The following RIPK1 variants were observed in gnomAD, a reference collection of about 807,000 sequenced individuals.
RIPK1 encodes receptor interacting serine/threonine kinase 1.
RIPK1 carries 27 observed loss-of-function variants against 62.4 expected under a neutral mutation model. The observed-to-expected ratio is 0.43, with a 90% CI of 0.32 to 0.60. The LOEUF (loss-of-function observed/expected upper bound fraction) is 0.60, where lower values mean the gene tolerates loss of function less well. RIPK1 is among the 20% of genes least tolerant of loss of function. RIPK1 has a pLI of 0.07. For synonymous variants in RIPK1, 287 were observed against 303.2 expected (o/e 0.95, Z 0.55); for missense variants, 735 against 831.0 (o/e 0.88, Z 1.42).
Position 3,113,634 on chromosome 6 carries a change from C to T in RIPK1, c.*295C>T. The T allele has an allele frequency of 3.0e-6, 1 of 332,064 alleles. No individual in the cohort carries two copies. The highest frequency in any genetic ancestry group is 5.6e-6 in the Non-Finnish European group (1 of 178,476). The allele number at this position is 332,064 out of a possible 1,614,324, so 20.6% of individuals were successfully genotyped here. On this transcript the variant is annotated 3_prime_UTR_variant, in exon 11 of 11. Transcript: ENST00000259808. This position sits in a 1 kb window ranked among gnomAD's most constrained non-coding sequence, Gnocchi z 5.0. ...GCCACTGCGCCCAGCCAACAATCCG[C>T]TCTGAGGAAAGCGTAAGCAGGAAGA...
At chr6:3,089,973 G>T (rs1313769068) in intron 7 of RIPK1, among the ~76,000 whole-genome samples, 2 of 152,328 alleles carry the variant, frequency 1.3e-5, no homozygotes, top group South Asian at 4.1e-4. Context: ...AAAGACCACA[G>T]AATTATTCTG....
At chr6:3,079,337 C>T (rs945137076) in intron 3 of RIPK1, among the ~76,000 whole-genome samples, 1 of 152,000 alleles carries the variant, frequency 6.6e-6, no homozygotes, top group South Asian at 2.1e-4. Context: ...CTTGGCCTCC[C>T]GAAGTTCTGG....
rs1292469757 is a variant in RIPK1, at chr6:3,105,643, C to T, written c.1168C>T (p.Arg390Cys). ...DEANYHLYGS[R>C]MDRQTKQQPR... is the part of the protein sequence containing the mutation. The stretch of plus-strand genomic sequence containing the variant: ...AGCCAACTACCATCTTTATGGCAGC[C>T]GCATGGACAGGCAGACGAAACAGCA... The change falls in exon 9 of 11, where the codon CGC becomes TGC. Residue 390 changes from arginine (R) to cysteine (C), a missense_variant. Arg to Cys is a radical substitution (Grantham distance 180). Around this residue, in one of 2 missense-constraint regions of RIPK1, gnomAD observed 671 missense variants for 726.2 expected, o/e 0.92. Transcript: ENST00000259808. The surrounding 1 kb of genome is among the most constrained non-coding windows in gnomAD (Gnocchi z 4.5). 8 of 1,613,884 alleles carry T rather than the reference C, an allele frequency of 5.0e-6. No homozygotes were observed. The highest frequency in any genetic ancestry group is 2.2e-5 in the East Asian group (1 of 44,892).
chr6:3,095,345 A>C (rs1485213487), intron 7 of RIPK1, among the ~76,000 whole-genome samples: 1 of 152,218 alleles, frequency 6.6e-6, no homozygotes, highest in Non-Finnish European at 1.5e-5. Flanking sequence ...CCCCACAGAG[A>C]GCTTCATCAA....
rs1758759182 is a variant in RIPK1, at chr6:3,072,303, AATC to A, written c.-61+3644_-61+3646del. Among the ~76,000 whole-genome samples the A allele has an allele frequency of 6.6e-6, 1 of 152,202 alleles. No homozygotes were observed. Among genetic ancestry groups the A allele is most frequent in the Non-Finnish European group, 1.5e-5 (1 of 68,040 alleles). On this transcript the variant is annotated intron_variant, in intron 1 of 10. Transcript: ENST00000259808. The surrounding 1 kb of genome is among the most constrained non-coding windows in gnomAD (Gnocchi z 5.6). ...GTAAAAGTGTAAAGAAGAAAGTAAAAATCAACCTATCATCAAGATACAATCCTT... is the reference window on the plus strand; with the variant it reads ...GTAAAAGTGTAAAGAAGAAAGTAAAAAACCTATCATCAAGATACAATCCTT...
intron 9 of RIPK1, among the ~76,000 whole-genome samples, chr6:3,106,644 A>C (rs916140451): frequency 1.2e-4 from 19 of 152,242 alleles, no homozygotes. Flanking sequence ...TGATACCCAC[A>C]GGTGTCCTGG....
rs774974763 is a variant in RIPK1, at chr6:3,089,596, T to A, written c.854T>A (p.Phe285Tyr). ...RPTFPGIEEK[F>Y]RPFYLSQLEE... Reference sequence around the variant, plus strand: ...ACTTTTACAGGCATTGAAGAAAAATTTAGGCCTTTTTATTTAAGTCAATTA... The same window carrying A: ...ACTTTTACAGGCATTGAAGAAAAATATAGGCCTTTTTATTTAAGTCAATTA... Residue 285 changes from phenylalanine (F) to tyrosine (Y), a missense_variant, in exon 7 of 11, where the codon TTT becomes TAT. Physicochemically the swap from Phe to Tyr is conservative, Grantham distance 22. Transcript: ENST00000259808. The A allele has an allele frequency of 1.3e-6, 2 of 1,542,750 alleles. No individual in the cohort carries two copies. Among genetic ancestry groups the A allele is most frequent in the Non-Finnish European group, 1.8e-6 (2 of 1,119,626 alleles).
chr6:3,087,782 G>T (rs548154331), intron 6 of RIPK1, among the ~76,000 whole-genome samples: 6 of 61,912 alleles, frequency 9.7e-5, no homozygotes, highest in African/African-American at 2.2e-4. Flanking sequence ...CTTGTGATCA[G>T]CCCGCCTCGG....
At chr6:3,108,388 C>T (rs1431064348) in intron 9 of RIPK1, among the ~76,000 whole-genome samples, 2 of 152,160 alleles carry the variant, frequency 1.3e-5, no homozygotes, top group African/African-American at 2.4e-5. Context: ...ATTCGTTTCT[C>T]CACTTCGTAA....
intron 9 of RIPK1, among the ~76,000 whole-genome samples, chr6:3,109,159 C>G (rs1286143622): frequency 6.6e-6 from 1 of 152,158 alleles, no homozygotes. Context: ...GGTCGCTGCC[C>G]TTGGGACTCA....
chr6:3,068,531 G>T lies in RIPK1; in HGVS notation c.-191G>T. ...CCAGCCGGGCGCGCTCGACGCGGACGGCGGGCCAGCTGCCGGAGCGCGGCG... is the reference window on the plus strand; with the variant it reads ...CCAGCCGGGCGCGCTCGACGCGGACTGCGGGCCAGCTGCCGGAGCGCGGCG... On this transcript the variant is annotated 5_prime_UTR_variant, in exon 1 of 11. Transcript: ENST00000259808. The T allele has an allele frequency of 2.0e-6, 2 of 985,104 alleles. No individual in the cohort carries two copies. Among genetic ancestry groups the T allele is most frequent in the Non-Finnish European group, 2.4e-6 (2 of 829,706 alleles). 61.0% of individuals were successfully genotyped at this position (985,104 alleles called of 1,614,324 possible).
chr6:3,065,927 A>G, upstream of RIPK1, among the ~76,000 whole-genome samples: 1 of 152,226 alleles, frequency 6.6e-6, no homozygotes, highest in Non-Finnish European at 1.5e-5. Context: ...AAAACAACGC[A>G]TTTCCAACCT....
intron 7 of RIPK1, among the ~76,000 whole-genome samples, chr6:3,100,672 C>A (rs1332110229): frequency 2.0e-5 from 3 of 151,792 alleles, no homozygotes; most frequent in Non-Finnish European, 4.4e-5. Context: ...CTCACTACAA[C>A]CTCCACCTCC....
Position 3,113,205 on chromosome 6 carries a change from G to T in RIPK1, c.1882G>T (p.Val628Phe). 3.1e-6 allele frequency: 5 copies of T among 1,614,076 alleles called. No homozygotes were observed. Among genetic ancestry groups the T allele is most frequent in the Non-Finnish European group, 4.2e-6 (5 of 1,179,994 alleles). The change falls in exon 11 of 11, where the codon GTT becomes TTT. Residue 628 changes from valine to phenylalanine, a missense_variant. Val to Phe is a conservative substitution (Grantham distance 50). Coordinates refer to ENST00000259808, the MANE Select transcript of RIPK1 (RefSeq NM_001354930.2). The surrounding 1 kb of genome is among the most constrained non-coding windows in gnomAD (Gnocchi z 5.0). The part of the protein sequence containing the change: ...DYERDGLKEK[V>F]YQMLQKWVMR... Reference sequence around the variant, plus strand: ...TGAGCGAGATGGACTGAAAGAAAAGGTTTACCAGATGCTCCAAAAGTGGGT... The same window carrying T: ...TGAGCGAGATGGACTGAAAGAAAAGTTTTACCAGATGCTCCAAAAGTGGGT...
chr6:3,072,757 A>G lies in RIPK1; in HGVS notation c.-60-4007A>G, dbSNP rs1190155043. 6.6e-6 allele frequency among the ~76,000 whole-genome samples: 1 copy of G among 152,174 alleles called. No individual in the cohort carries two copies. Among genetic ancestry groups the G allele is most frequent in the African/African-American group, 2.4e-5 (1 of 41,438 alleles). ...ACAAAATGACAGTTCTCTGACACCT[A>G]ACCAGGCAAGAAGTTGGAAGAATAT... On this transcript the variant is annotated intron_variant, in intron 1 of 10. Coordinates refer to ENST00000259808, the MANE Select transcript of RIPK1 (RefSeq NM_001354930.2). The surrounding 1 kb of genome is among the most constrained non-coding windows in gnomAD (Gnocchi z 5.6).
At chr6:3,101,269 A>G (rs1303778012) in intron 7 of RIPK1, among the ~76,000 whole-genome samples, 1 of 152,070 alleles carries the variant, frequency 6.6e-6, no homozygotes, top group Non-Finnish European at 1.5e-5. Flanking sequence ...AAAAACAACA[A>G]AAAACCCTTT....
At position 3,089,426 on chromosome 6, in the gene RIPK1, T is replaced by C. The variant is rs1581407773; in HGVS notation, c.839-155T>C. Among the ~76,000 whole-genome samples the C allele has an allele frequency of 2.0e-5, 3 of 152,366 alleles. No homozygotes were observed. The East Asian group carries it at 5.8e-4, about 29-fold the overall frequency. On this transcript the variant is annotated intron_variant, in intron 6 of 10. Transcript: ENST00000259808. ...TCCCTTGTTCTGTCTATTAATCTTATTAGTCTCTATCAGAGTCAGTGATTT... is the reference window on the plus strand; with the variant it reads ...TCCCTTGTTCTGTCTATTAATCTTACTAGTCTCTATCAGAGTCAGTGATTT...
At position 3,105,770 on chromosome 6, in the gene RIPK1, C is replaced by A. The variant is rs772662175; in HGVS notation, c.1295C>A (p.Thr432Lys). The A allele has an allele frequency of 6.2e-7, 1 of 1,614,224 alleles. No individual in the cohort carries two copies. The highest frequency in any genetic ancestry group is 1.1e-5 in the South Asian group (1 of 91,086). Residue 432 changes from threonine to lysine, a missense_variant, in exon 9 of 11, where the codon ACA (threonine) becomes AAA (lysine). Physicochemically the swap from Thr to Lys is moderately conservative, Grantham distance 78. Coordinates refer to ENST00000259808, the MANE Select transcript of RIPK1 (RefSeq NM_001354930.2). This position sits in a 1 kb window ranked among gnomAD's most constrained non-coding sequence, Gnocchi z 4.5. ...AGACCTTACGAGAATTTTCAGAATA[C>A]AGAGGGAAAAGGCACTGCTTATTCC... is the stretch of plus-strand genomic sequence containing the variant. ...QQRPYENFQN[T>K]EGKGTAYSSA...
chr6:3,087,799 A>T (rs17548418), intron 6 of RIPK1, among the ~76,000 whole-genome samples: 5 of 48,466 alleles, frequency 1.0e-4, no homozygotes, highest in Non-Finnish European at 5.2e-4. Flanking sequence ...TCGGCCTCCC[A>T]AAGTGTGGGA....
Sources: gnomAD v4.1 joint callset for allele counts (sites outside exome capture counted in the v4.1 genomes callset) on GRCh38, gnomAD v4.1.1 for gene constraint, gnomAD v4.1.1 regional missense constraint, Gnocchi (gnomAD v3.1) non-coding constraint, MANE v1.5 for transcripts, NCBI Gene and HGNC (gene_info 2026-07-23, HGNC 2026-07-21) for gene names.